The following PCCA variants were observed in gnomAD, a reference collection of about 807,000 sequenced individuals.
PCCA encodes propionyl-CoA carboxylase alpha chain, mitochondrial.
A neutral mutation model predicts 101.3 loss-of-function variants in PCCA; 74 were observed. The ratio of observed to expected loss-of-function variants is 0.73; its 90% CI spans 0.61 to 0.89. The LOEUF (loss-of-function observed/expected upper bound fraction) is 0.89. Among genes scored for constraint, PCCA ranks in the 40% least tolerant of loss-of-function variants. PCCA has a pLI of 0.00. For synonymous variants in PCCA, 294 were observed against 313.6 expected, an observed-to-expected ratio of 0.94 and a Z score of 0.66; for missense variants, 891 against 907.0, an observed-to-expected ratio of 0.98 and a Z score of 0.23.
intron 21 of PCCA, among the ~76,000 whole-genome samples, chr13:100,459,455 G>T (rs2082028729): frequency 6.6e-6 from 1 of 152,128 alleles, no homozygotes; most frequent in Non-Finnish European, 1.5e-5. Flanking sequence ...TATTTCCCTA[G>T]TATTTTCATA....
chr13:100,422,348 G>A (rs2078887993), intron 19 of PCCA, among the ~76,000 whole-genome samples: 1 of 151,520 alleles, frequency 6.6e-6, no homozygotes, highest in African/African-American at 2.4e-5. Context: ...TTGTTGCCCA[G>A]GCTGGTTTCA....
Position 100,150,952 on chromosome 13 carries a change from C to T in PCCA, c.301-4027C>T, listed in dbSNP as rs1266309542. On this transcript the variant is annotated intron_variant, in intron 4 of 23. Transcript: ENST00000376285. ...GCTTGGCCTCGCAGCCCAGTCAGCG[C>T]GCTTTATCAGGCTGGGTGGGGCGGA... 3.5e-5 allele frequency: 53 copies of T among 1,520,870 alleles called. No homozygotes were observed. In the East Asian group the frequency reaches 1.0e-3, roughly 29 times the overall value. 94.2% of individuals were successfully genotyped at this position (1,520,870 alleles called of 1,614,324 possible).
At chr13:100,436,071 A>G (rs180765184) in intron 20 of PCCA, among the ~76,000 whole-genome samples, 2 of 152,176 alleles carry the variant, frequency 1.3e-5, no homozygotes, top group African/African-American at 4.8e-5. Context: ...GAGAGAGAGA[A>G]AGAAAATGAA....
chr13:100,118,675 A>G (rs560209538), intron 4 of PCCA, among the ~76,000 whole-genome samples: 30 of 152,114 alleles, frequency 2.0e-4, no homozygotes, highest in African/African-American at 6.7e-4. Context: ...TAGTTTCCCA[A>G]GTAGTTGTGA....
At chr13:100,271,929 A>G (rs2063340584) in intron 11 of PCCA, among the ~76,000 whole-genome samples, 1 of 152,224 alleles carries the variant, frequency 6.6e-6, no homozygotes, top group Admixed American at 6.5e-5. Flanking sequence ...AGGCAGCTTC[A>G]TGCAAGTTTT....
At chr13:100,139,206 T>C (rs2051565027) in intron 4 of PCCA, among the ~76,000 whole-genome samples, 1 of 152,054 alleles carries the variant, frequency 6.6e-6, no homozygotes, top group African/African-American at 2.4e-5. Flanking sequence ...GATTATGTTT[T>C]CTGATTTCTT....
At chr13:100,417,597 G>A (rs2078461334) in intron 19 of PCCA, among the ~76,000 whole-genome samples, 1 of 152,108 alleles carries the variant, frequency 6.6e-6, no homozygotes, top group Non-Finnish European at 1.5e-5. Flanking sequence ...TTTGGTCTAA[G>A]ATGTTATTGG....
At chr13:100,367,783 C>T (rs1010264997) in intron 18 of PCCA, among the ~76,000 whole-genome samples, 2 of 150,816 alleles carry the variant, frequency 1.3e-5, no homozygotes, top group Non-Finnish European at 3.0e-5. Flanking sequence ...ATAGTGAAAC[C>T]CCATCTCTAC....
chr13:100,449,199 C>T, intron 20 of PCCA, 53 bp from the exon 21 acceptor site: 1 of 1,137,444 alleles, frequency 8.8e-7, no homozygotes, highest in East Asian at 2.6e-5. Context: ...GTGAACATTA[C>T]ATACAAGCTG....
intron 17 of PCCA, among the ~76,000 whole-genome samples, chr13:100,333,819 A>G (rs1020313858): frequency 3.3e-5 from 5 of 152,200 alleles, no homozygotes; most frequent in Non-Finnish European, 7.3e-5. Flanking sequence ...ATAATTAATT[A>G]TACTTCTCTT....
chr13:100,139,418 A>G (rs1295299530), intron 4 of PCCA, among the ~76,000 whole-genome samples: 1 of 146,928 alleles, frequency 6.8e-6, no homozygotes, highest in Non-Finnish European at 1.5e-5. Context: ...AATTTTTTCT[A>G]CTCTTTTTTT....
At chr13:100,253,849 G>A (rs1179695296) in intron 8 of PCCA, among the ~76,000 whole-genome samples, 2 of 126,904 alleles carry the variant, frequency 1.6e-5, no homozygotes, top group Non-Finnish European at 3.7e-5. Context: ...GGGCACTAGA[G>A]CCTGATTTTT....
intron 19 of PCCA, among the ~76,000 whole-genome samples, chr13:100,396,190 G>A (rs546943772): frequency 6.6e-6 from 1 of 152,204 alleles, no homozygotes; most frequent in Non-Finnish European, 1.5e-5. Flanking sequence ...GTGTTTACCT[G>A]AATGTTGGCA....
rs566584587 is a variant in PCCA at position 100,510,158 on chromosome 13, T to C, written c.1900-5269T>C. On this transcript the variant is annotated intron_variant, in intron 21 of 23. Coordinates refer to ENST00000376285, the MANE Select transcript of PCCA (RefSeq NM_000282.4). Reference sequence around the variant, plus strand: ...TTTCTTGTATCAGAGTTTTGCTGTATATGAAGAAATCCTGCTCATGGGCAG... The same window carrying C: ...TTTCTTGTATCAGAGTTTTGCTGTACATGAAGAAATCCTGCTCATGGGCAG... 2.0e-5 allele frequency among the ~76,000 whole-genome samples: 3 copies of C among 152,346 alleles called. 1 individual carries two copies. In the East Asian group the frequency reaches 5.8e-4, roughly 29 times the overall value.
intron 19 of PCCA, among the ~76,000 whole-genome samples, chr13:100,374,120 A>G (rs2075752350): frequency 6.6e-6 from 1 of 152,098 alleles, no homozygotes; most frequent in Non-Finnish European, 1.5e-5. Context: ...TCAAAAATAA[A>G]TAAATAAATA....
intron 21 of PCCA, among the ~76,000 whole-genome samples, chr13:100,504,336 T>C (rs143768708): frequency 6.6e-6 from 1 of 152,168 alleles, no homozygotes; most frequent in African/African-American, 2.4e-5. Context: ...CATATGAGAA[T>C]TGAATAGAAG....
At chr13:100,115,913 T>C (rs149350857) in intron 4 of PCCA, among the ~76,000 whole-genome samples, 103 of 152,306 alleles carry the variant, frequency 6.8e-4, no homozygotes, top group African/African-American at 2.3e-3. Flanking sequence ...GTCAAAACTT[T>C]CTCTTACTAT....
chr13:100,330,728 G>T (rs1289291435), intron 17 of PCCA, 57 bp downstream of exon 17: 1 of 1,001,480 alleles, frequency 1.0e-6, no homozygotes, highest in African/African-American at 1.6e-5. Flanking sequence ...ATACTTTATT[G>T]TAATACATAA....
intron 20 of PCCA, among the ~76,000 whole-genome samples, chr13:100,437,795 A>G (rs894490389): frequency 3.9e-5 from 6 of 152,006 alleles, no homozygotes; most frequent in African/African-American, 1.2e-4. Flanking sequence ...CAGCCTCCCA[A>G]GTAGCTGGGA....
Sources: gnomAD v4.1 joint callset for allele counts (sites outside exome capture counted in the v4.1 genomes callset) on GRCh38, gnomAD v4.1.1 for gene constraint, MANE v1.5 for transcripts, NCBI Gene and HGNC (gene_info 2026-07-23, HGNC 2026-07-21) for gene names.